TSHZ2: variants seen among roughly 807,000 people sequenced by gnomAD.
TSHZ2 encodes teashirt homolog 2.
In TSHZ2, 21 loss-of-function variants were observed where a neutral mutation model predicts 74.4. That is an observed-to-expected ratio of 0.28 (90% CI 0.20 to 0.41). TSHZ2 has a LOEUF of 0.41. TSHZ2 is among the 10% of genes least tolerant of loss of function. The probability of loss-of-function intolerance (pLI) is 1.00; values close to 1 mark genes in which losing one functional copy is unlikely to be tolerated. For synonymous variants in TSHZ2, 540 were observed against 515.3 expected (o/e 1.05, Z -0.65); for missense variants, 1,244 against 1,293.5 (o/e 0.96, Z 0.59).
chr20:53,193,832 C>G (rs1217986363), intron 1 of TSHZ2, among the ~76,000 whole-genome samples: 1 of 151,260 alleles, frequency 6.6e-6, no homozygotes, highest in Non-Finnish European at 1.5e-5. Flanking sequence ...AGGGAGGAAC[C>G]TTGAACCTGA....
At chr20:53,391,203 G>A (rs540709352) in intron 2 of TSHZ2, among the ~76,000 whole-genome samples, 10 of 152,290 alleles carry the variant, frequency 6.6e-5, no homozygotes, top group East Asian at 3.9e-4. Context: ...CTGGAGTGCA[G>A]TGGCACGATC....
intron 2 of TSHZ2, among the ~76,000 whole-genome samples, chr20:53,257,065 G>A (rs758218267): frequency 9.2e-5 from 14 of 152,226 alleles, no homozygotes; most frequent in Non-Finnish European, 1.6e-4. Flanking sequence ...CTCATGAATA[G>A]CTTAAAGTTG....
chr20:53,029,632 C>T (rs1006689909), intron 1 of TSHZ2, among the ~76,000 whole-genome samples: 1 of 152,178 alleles, frequency 6.6e-6, no homozygotes, highest in East Asian at 1.9e-4. Flanking sequence ...GCTGAGATTG[C>T]ACCACTGCAC....
chr20:53,246,536 T>C (rs1281418359), intron 1 of TSHZ2, among the ~76,000 whole-genome samples: 1 of 152,158 alleles, frequency 6.6e-6, no homozygotes, highest in East Asian at 1.9e-4. Context: ...TTTCATGACC[T>C]CTCTCTCCAA....
chr20:53,214,365 T>C (rs1038194291), intron 1 of TSHZ2, among the ~76,000 whole-genome samples: 1 of 152,066 alleles, frequency 6.6e-6, no homozygotes, highest in Admixed American at 6.5e-5. Flanking sequence ...AAGGGCTTAG[T>C]TGGAGGTGGA....
chr20:53,388,355 G>T lies in TSHZ2; in HGVS notation c.*9-98789G>T, dbSNP rs78477193. 7.8e-3 allele frequency among the ~76,000 whole-genome samples: 1,184 copies of T among 152,330 alleles called. 62 individuals carry two copies. Among genetic ancestry groups the T allele is most frequent in the Admixed American group, 0.066 (1,015 of 15,310 alleles). On this transcript the variant is annotated intron_variant, in intron 2 of 2. Transcript: ENST00000371497. ...ACACAAATTATTGGGTATTCGCTCTGTGGTGGGCTTTGGGGGTATAAAAAT... is the reference window on the plus strand; with the variant it reads ...ACACAAATTATTGGGTATTCGCTCTTTGGTGGGCTTTGGGGGTATAAAAAT...
At chr20:53,062,407 AG>A (rs1984851603) in intron 1 of TSHZ2, among the ~76,000 whole-genome samples, 1 of 152,264 alleles carries the variant, frequency 6.6e-6, no homozygotes, top group African/African-American at 2.4e-5. Context: ...TTATAAAAGT[AG>A]GTATAACCAT....
intron 2 of TSHZ2, chr20:53,421,115 G>C (rs1006892135): frequency 2.6e-5 from 4 of 152,282 alleles, no homozygotes; most frequent in Non-Finnish European, 5.9e-5. Flanking sequence ...TACTAAATGA[G>C]AGACACTGAG....
intron 1 of TSHZ2, among the ~76,000 whole-genome samples, chr20:53,146,424 G>A (rs1187973099): frequency 6.6e-6 from 1 of 152,146 alleles, no homozygotes; most frequent in African/African-American, 2.4e-5. Flanking sequence ...AGATCCCCAA[G>A]CAGCACTTTG....
intron 2 of TSHZ2, among the ~76,000 whole-genome samples, chr20:53,393,751 C>G (rs960321402): frequency 1.3e-5 from 2 of 152,046 alleles, no homozygotes; most frequent in African/African-American, 4.8e-5. Context: ...GTCGGTATCC[C>G]GGCTTTGATA....
At chr20:53,188,044 G>A (rs142390103) in intron 1 of TSHZ2, among the ~76,000 whole-genome samples, 2 of 152,156 alleles carry the variant, frequency 1.3e-5, no homozygotes, top group East Asian at 3.9e-4. Context: ...GGTATTCGTG[G>A]GTTACAATCA....
intron 1 of TSHZ2, among the ~76,000 whole-genome samples, chr20:53,105,034 C>T (rs1371904195): frequency 2.0e-5 from 3 of 152,068 alleles, no homozygotes; most frequent in South Asian, 2.1e-4. Context: ...TGCCAAAGGA[C>T]GAAGTCACAT....
intron 2 of TSHZ2, among the ~76,000 whole-genome samples, chr20:53,410,040 T>A (rs1266594029): frequency 6.6e-6 from 1 of 151,910 alleles, no homozygotes; most frequent in East Asian, 1.9e-4. Flanking sequence ...AGAGACAGGG[T>A]TTCACCATGT....
At chr20:53,261,558 C>T (rs573403909) in intron 2 of TSHZ2, among the ~76,000 whole-genome samples, 2 of 152,256 alleles carry the variant, frequency 1.3e-5, no homozygotes, top group African/African-American at 4.8e-5. Context: ...AATGCATCGT[C>T]TTCCTTAACG....
intron 2 of TSHZ2, among the ~76,000 whole-genome samples, chr20:53,303,054 T>A (rs16997902): frequency 0.14 from 21,272 of 152,216 alleles, 2,158 homozygotes; most frequent in African/African-American, 0.28. Flanking sequence ...ACCTTATAAA[T>A]TAATAATTTT....
intron 1 of TSHZ2, among the ~76,000 whole-genome samples, chr20:53,225,772 T>C (rs1989670860): frequency 6.6e-6 from 1 of 152,156 alleles, no homozygotes; most frequent in Non-Finnish European, 1.5e-5. Flanking sequence ...TCTCTTTCCA[T>C]GATGTCCGGA....
chr20:53,136,840 AT>A (rs535030173), intron 1 of TSHZ2, among the ~76,000 whole-genome samples: 116 of 151,592 alleles, frequency 7.7e-4, no homozygotes, highest in African/African-American at 2.6e-3. Context: ...AGATGTTTGG[AT>A]TTTTTTTCCC....
chr20:53,341,047 T>C (rs989520796), intron 2 of TSHZ2, among the ~76,000 whole-genome samples: 15 of 152,224 alleles, frequency 9.9e-5, no homozygotes, highest in Non-Finnish European at 1.9e-4. Context: ...TTTAGGATCC[T>C]TCAGGCCAAG....
intron 1 of TSHZ2, among the ~76,000 whole-genome samples, chr20:53,129,820 C>G (rs1444325695): frequency 7.0e-6 from 1 of 143,422 alleles, no homozygotes; most frequent in East Asian, 2.0e-4. Context: ...GTGGCCAGCG[C>G]TGGCTCCTGG....
Sources: allele counts gnomAD v4.1 joint callset (sites outside exome capture counted in the v4.1 genomes callset), GRCh38; gene constraint gnomAD v4.1.1; transcripts MANE v1.5; gene names NCBI Gene and HGNC (gene_info 2026-07-23, HGNC 2026-07-21).